MYOM1: variants seen among roughly 807,000 people sequenced by gnomAD.
MYOM1 encodes the protein myomesin 1.
Under a neutral mutation model 205.3 loss-of-function variants are expected in MYOM1, and 164 were observed. The observed-to-expected ratio is 0.80, with a 90% CI of 0.70 to 0.91. The LOEUF is 0.91. MYOM1 is among the 40% of genes least tolerant of loss of function. The probability of loss-of-function intolerance (pLI) is 0.00; values close to 1 mark genes in which losing one functional copy is unlikely to be tolerated. For missense variants in MYOM1, 2,011 were observed against 2,127.3 expected (o/e 0.95, Z 1.08); for synonymous variants, 772 against 789.4 (o/e 0.98, Z 0.37).
At position 3,129,445 on chromosome 18, in the gene MYOM1, C is replaced by T. The variant is rs537504476; in HGVS notation, c.2581G>A (p.Val861Met). Residue 861 changes from valine (V) to methionine (M), a missense_variant, in exon 18 of 38, where the codon GTG becomes ATG. Physicochemically the swap from Val to Met is conservative, Grantham distance 21. Coordinates refer to ENST00000356443, the MANE Select transcript of MYOM1 (RefSeq NM_003803.4). ...AAGGTTGGCGGGGAGGCTTCATGCA[C>T]GCGCCCCCTGGAGGCGGTTAGTCCA... ...PGGLTASRGR[V>M]HEASPPTFQK... is the part of the protein sequence containing the mutation. 69 of 1,613,808 alleles carry T rather than the reference C, an allele frequency of 4.3e-5. No homozygotes were observed. Among genetic ancestry groups the T allele is most frequent in the Non-Finnish European group, 5.1e-5 (60 of 1,179,872 alleles).
At chr18:3,126,998 A>G in intron 18 of MYOM1, 101 bp from the exon 19 acceptor site, 12 of 1,069,236 alleles carry the variant, frequency 1.1e-5, no homozygotes, top group Non-Finnish European at 1.6e-5. Flanking sequence ...TAGATCTTGC[A>G]GTATAAAACT....
At chr18:3,232,087 T>C in the MYOM1 span, among the ~76,000 whole-genome samples, 2 of 151,822 alleles carry the variant, frequency 1.3e-5, no homozygotes, top group African/African-American at 4.8e-5. Flanking sequence ...CCCAGCACTT[T>C]GGGAGGCTGA....
At chr18:3,204,191 C>A (rs938693356) in intron 2 of MYOM1, among the ~76,000 whole-genome samples, 2 of 151,934 alleles carry the variant, frequency 1.3e-5, no homozygotes, top group African/African-American at 4.8e-5. Flanking sequence ...AAGACTGAAA[C>A]AAGGCAATGA....
chr18:3,100,244 A>G (rs761690525), intron 24 of MYOM1, 41 bp from the exon 25 acceptor site: 3 of 1,613,570 alleles, frequency 1.9e-6, no homozygotes, highest in East Asian at 2.2e-5. Context: ...TTAAACTACT[A>G]AAATAAAAGT....
In MYOM1 at chr18:3,140,212, C is replaced by T. The variant is rs931458021; in HGVS notation, c.2025+1727G>A. 2.6e-5 allele frequency among the ~76,000 whole-genome samples: 4 copies of T among 152,010 alleles called. 1 individual carries two copies. Among genetic ancestry groups the T allele is most frequent in the African/African-American group, 9.7e-5 (4 of 41,392 alleles). On this transcript the variant is annotated intron_variant, in intron 14 of 37. Coordinates refer to ENST00000356443, the MANE Select transcript of MYOM1 (RefSeq NM_003803.4). The stretch of plus-strand genomic sequence containing the variant: ...ACTTGAGGTCAGGAGTTCGAGATCA[C>T]CCTGGCTAACATGGTGAAACCCTGT...
chr18:3,232,180 A>G, the MYOM1 span, among the ~76,000 whole-genome samples: 2 of 151,964 alleles, frequency 1.3e-5, no homozygotes, highest in Admixed American at 6.5e-5. Context: ...AAATACAAAA[A>G]TTAGCGGGGT....
the MYOM1 span, among the ~76,000 whole-genome samples, chr18:3,227,253 G>A: frequency 7.9e-5 from 12 of 151,784 alleles, no homozygotes; most frequent in Admixed American, 3.3e-4. Context: ...GAACTGTGAA[G>A]GTATATACAT....
chr18:3,098,898 G>A (rs1035234848), intron 25 of MYOM1, among the ~76,000 whole-genome samples: 3 of 152,166 alleles, frequency 2.0e-5, no homozygotes, highest in African/African-American at 4.8e-5. Context: ...AGAAGTCTGC[G>A]CCCTACAGTC....
intron 8 of MYOM1, among the ~76,000 whole-genome samples, chr18:3,170,792 T>C (rs185124618): frequency 3.3e-4 from 50 of 152,316 alleles, no homozygotes; most frequent in African/African-American, 1.2e-3. Context: ...GGTGGGTATA[T>C]GGAAGTTCAC....
rs1598657602 is a variant in MYOM1 at position 3,087,571 on chromosome 18, C to T, written c.4138-1420G>A. On this transcript the variant is annotated intron_variant, in intron 29 of 37. Coordinates refer to ENST00000356443, the MANE Select transcript of MYOM1 (RefSeq NM_003803.4). Reference sequence around the variant, plus strand: ...GTGGCATGATCTCGGCTCACTGCAACCTCAGCCTCCCGGGTTCAAGTGATT... The same window carrying T: ...GTGGCATGATCTCGGCTCACTGCAATCTCAGCCTCCCGGGTTCAAGTGATT... Among the ~76,000 whole-genome samples the T allele has an allele frequency of 2.0e-5, 3 of 150,790 alleles. No homozygotes were observed. The South Asian group carries it at 6.3e-4, about 32-fold the overall frequency.
At chr18:3,080,235 A>C (rs544918776) in intron 33 of MYOM1, among the ~76,000 whole-genome samples, 24 of 152,292 alleles carry the variant, frequency 1.6e-4, no homozygotes, top group African/African-American at 5.8e-4. Context: ...AAGTACCCTA[A>C]AATGTTCATA....
In MYOM1 at chr18:3,129,311, T is replaced by C. The variant is rs200170795; in HGVS notation, c.2715A>G (p.Glu905=). 813 of 1,614,056 alleles carry C rather than the reference T, an allele frequency of 5.0e-4. 2 individuals are homozygous for C. The highest frequency in any genetic ancestry group is 1.8e-3 in the South Asian group (165 of 91,084). ...CTTTCTGTGGTGGCGGGGTAAGCTC[T>C]TCCTGAACTGTTTCACTTACTTTAC... ...EVSKVSETVQ[E]ELTPPPQKAA... The change falls in exon 18 of 38, where the codon GAA becomes GAG. Residue 905 remains glutamate (E), a synonymous_variant. Transcript: ENST00000356443.
Position 3,149,193 on chromosome 18 carries a change from A to T in MYOM1, c.1852T>A (p.Ser618Thr), listed in dbSNP as rs2080181528. Residue 618 changes from serine (S) to threonine (T), a missense_variant, in exon 13 of 38, where the codon TCA becomes ACA. Ser to Thr is a moderately conservative substitution (Grantham distance 58). Transcript: ENST00000356443. ...AEKARLKSRP[S>T]APWTGQIIVT... ...ATGATCTGTCCAGTCCAGGGTGCTG[A>T]GGGGCGACCTGAATAAAGACAAATA... The T allele has an allele frequency of 4.3e-6, 7 of 1,612,492 alleles. No homozygotes were observed. The highest frequency in any genetic ancestry group is 5.9e-6 in the Non-Finnish European group (7 of 1,179,322).
chr18:3,088,321 G>T (rs1165149008), intron 29 of MYOM1, among the ~76,000 whole-genome samples: 1 of 152,166 alleles, frequency 6.6e-6, no homozygotes, highest in African/African-American at 2.4e-5. Context: ...TGAGAGAGAA[G>T]GTGAGGGCTT....
At chr18:3,235,831 C>A in the MYOM1 span, among the ~76,000 whole-genome samples, 2 of 152,078 alleles carry the variant, frequency 1.3e-5, no homozygotes, top group East Asian at 3.9e-4. Context: ...AATGGAATGA[C>A]CAGAGAAGGC....
intron 26 of MYOM1, among the ~76,000 whole-genome samples, chr18:3,093,785 G>A (rs1462930947): frequency 1.3e-5 from 2 of 152,144 alleles, no homozygotes; most frequent in African/African-American, 4.8e-5. Context: ...TGGGACAAGA[G>A]GCCTATTCTT....
At chr18:3,181,746 T>TA (rs2080734717) in intron 5 of MYOM1, among the ~76,000 whole-genome samples, 1 of 150,524 alleles carries the variant, frequency 6.6e-6, no homozygotes, top group Non-Finnish European at 1.5e-5. Context: ...TTTTTTTTTT[T>TA]TTTTTTGAGA....
chr18:3,102,469 C>T lies in MYOM1; in HGVS notation c.3575+5G>A, dbSNP rs1253220145. 2.5e-6 allele frequency: 4 copies of T among 1,608,684 alleles called. No homozygotes were observed. In the South Asian group the frequency reaches 4.4e-5, roughly 18 times the overall value. ...ACCCATGATTGTGATTGACATAGTC[C>T]TTACTTGTTGCCCTTGCTTTCGACT... On this transcript the variant is annotated splice_donor_5th_base_variant and intron_variant, in intron 23 of 37. Transcript: ENST00000356443.
At chr18:3,195,283 G>A (rs2080979591) in intron 2 of MYOM1, among the ~76,000 whole-genome samples, 1 of 152,188 alleles carries the variant, frequency 6.6e-6, no homozygotes, top group African/African-American at 2.4e-5. Flanking sequence ...CTCCCCCAGT[G>A]GGGAATATCC....
Sources: allele counts gnomAD v4.1 joint callset (sites outside exome capture counted in the v4.1 genomes callset), GRCh38; gene constraint gnomAD v4.1.1; transcripts MANE v1.5; gene names NCBI Gene and HGNC (gene_info 2026-07-23, HGNC 2026-07-21).